LYZL6: variants seen among roughly 807,000 people sequenced by gnomAD.
LYZL6 encodes the protein lysozyme-like protein 6.
A neutral mutation model predicts 15.0 loss-of-function variants in LYZL6; 21 were observed. The observed-to-expected ratio is 1.40, with a 90% CI of 1.00 to 2.02. The LOEUF is 2.02. LYZL6 is among the 30% of genes most tolerant of loss of function. The pLI is 0.00. For synonymous variants in LYZL6, 72 were observed against 67.8 expected, an observed-to-expected ratio of 1.06 and a Z score of -0.31; for missense variants, 173 against 180.5, an observed-to-expected ratio of 0.96 and a Z score of 0.24.
At chr17:35,935,049 G>T (rs1033266957) in intron 4 of LYZL6, among the ~76,000 whole-genome samples, 184 bp from the exon 5 acceptor site, 1 of 151,850 alleles carries the variant, frequency 6.6e-6, no homozygotes. Flanking sequence ...CATCTCTGGT[G>T]TTTGCCTGCT....
intron 4 of LYZL6, 62 bp downstream of exon 4, chr17:35,936,693 T>C (rs554111267): frequency 7.9e-5 from 117 of 1,481,732 alleles, no homozygotes; most frequent in Admixed American, 5.0e-4. Context: ...CTACTGCCCT[T>C]TTCTCTGTCA....
chr17:35,941,836 G>A (rs2089426891), intron 1 of LYZL6, among the ~76,000 whole-genome samples: 1 of 152,174 alleles, frequency 6.6e-6, no homozygotes, highest in Non-Finnish European at 1.5e-5. Context: ...ATCTGAGGTG[G>A]TGGGAAGAAT....
chr17:35,939,066 C>T, intron 2 of LYZL6, 152 bp downstream of exon 2: 2 of 844,572 alleles, frequency 2.4e-6, no homozygotes, highest in Non-Finnish European at 1.9e-6. Context: ...CAGACAATAA[C>T]TTGAGTGAAT....
intron 1 of LYZL6, among the ~76,000 whole-genome samples, chr17:35,942,149 A>G (rs1415834584): frequency 6.6e-6 from 1 of 152,244 alleles, no homozygotes; most frequent in Non-Finnish European, 1.5e-5. Flanking sequence ...TGTATTCTTC[A>G]AAATGGCCAA....
intron 1 of LYZL6, among the ~76,000 whole-genome samples, chr17:35,940,634 A>G (rs148206176): frequency 1.3e-5 from 2 of 152,322 alleles, no homozygotes; most frequent in Admixed American, 6.5e-5. Flanking sequence ...TCATCAATCC[A>G]AAACAAAACC....
intron 2 of LYZL6, among the ~76,000 whole-genome samples, chr17:35,938,634 G>T (rs2089398687): frequency 6.7e-6 from 1 of 149,730 alleles, no homozygotes; most frequent in Non-Finnish European, 1.5e-5. Flanking sequence ...AAAAAAAAAG[G>T]TACCTAAAAA....
At chr17:35,936,911 G>C in intron 3 of LYZL6, 78 bp from the exon 4 acceptor site, 1 of 1,307,816 alleles carries the variant, frequency 7.6e-7, no homozygotes, top group Non-Finnish European at 1.1e-6. Flanking sequence ...GCCCTCCCTG[G>C]ACAGCCCTAT....
chr17:35,937,316 A>C (rs997478342), intron 3 of LYZL6, among the ~76,000 whole-genome samples: 1 of 152,194 alleles, frequency 6.6e-6, no homozygotes, highest in Non-Finnish European at 1.5e-5. Flanking sequence ...CATTAGCTAA[A>C]GAGGGTACTC....
Position 35,939,539 on chromosome 17 carries a change from T to C in LYZL6, c.-183A>G, listed in dbSNP as rs1248996130. ...TTGTTTATTATTTTATAGATTTTTA[T>C]TTATCATGGAAAATTAAACCTTTAA... On this transcript the variant is annotated 5_prime_UTR_variant, in exon 2 of 5. Coordinates refer to ENST00000615905, the MANE Select transcript of LYZL6 (RefSeq NM_020426.4). The C allele has an allele frequency of 2.1e-6, 1 of 470,034 alleles. No homozygotes were observed. The highest frequency in any genetic ancestry group is 3.6e-5 in the Admixed American group (1 of 27,994). The allele number at this position is 470,034 out of a possible 1,614,324, so 29.1% of individuals were successfully genotyped here. A position where few individuals can be genotyped will look rare whatever the true frequency, so the allele number is the denominator to read the frequency against.
intron 4 of LYZL6, among the ~76,000 whole-genome samples, chr17:35,935,842 C>T (rs933978839): frequency 6.9e-5 from 10 of 145,562 alleles, no homozygotes; most frequent in Non-Finnish European, 1.2e-4. Context: ...TAAACAGAGT[C>T]TCATTCTGCC....
intron 4 of LYZL6, among the ~76,000 whole-genome samples, chr17:35,935,252 G>A (rs901237410): frequency 6.6e-6 from 1 of 152,050 alleles, no homozygotes; most frequent in African/African-American, 2.4e-5. Context: ...AGTATGCAGG[G>A]GATTTGACTC....
chr17:35,936,879 C>T (rs1196683942), intron 3 of LYZL6, 46 bp from the exon 4 acceptor site: 2 of 1,550,866 alleles, frequency 1.3e-6, no homozygotes, highest in Non-Finnish European at 1.8e-6. Flanking sequence ...GAAGACAGCC[C>T]CAAAGATGGA....
intron 1 of LYZL6, among the ~76,000 whole-genome samples, chr17:35,942,277 C>T (rs1443799050): frequency 1.3e-5 from 2 of 152,336 alleles, no homozygotes; most frequent in Admixed American, 6.5e-5. Context: ...ACCTGGGAAA[C>T]AGCAAGACCT....
At chr17:35,942,793 T>C (rs532141369) in intron 1 of LYZL6, among the ~76,000 whole-genome samples, 28 of 152,222 alleles carry the variant, frequency 1.8e-4, no homozygotes, top group African/African-American at 6.7e-4. Context: ...CTACATTCCT[T>C]TCTCTTTAGG....
chr17:35,939,814 T>C (rs1568423081), intron 1 of LYZL6, among the ~76,000 whole-genome samples: 1 of 152,162 alleles, frequency 6.6e-6, no homozygotes, highest in Non-Finnish European at 1.5e-5. Flanking sequence ...ATTTCATCCA[T>C]AGGTCCTCTT....
chr17:35,935,089 A>T (rs991190489), intron 4 of LYZL6, among the ~76,000 whole-genome samples: 1 of 151,924 alleles, frequency 6.6e-6, no homozygotes, highest in African/African-American at 2.4e-5. Flanking sequence ...ACATTTTAAA[A>T]TCCTCATATC....
intron 1 of LYZL6, among the ~76,000 whole-genome samples, chr17:35,939,773 C>T (rs1004062136): frequency 2.0e-5 from 3 of 152,170 alleles, no homozygotes; most frequent in Non-Finnish European, 2.9e-5. Flanking sequence ...GCTGGGATTA[C>T]AGGTGTGAGC....
Position 35,934,878 on chromosome 17 carries a change from A to G in LYZL6, c.378-13T>C. ...CCTCCATTCTACCCTGCGGAGAAAA[A>G]AGACATGGTTCTTGCCTCACACTCA... On this transcript the variant is annotated splice_polypyrimidine_tract_variant and intron_variant, in intron 4 of 4. Transcript: ENST00000615905. 2 of 1,613,936 alleles carry G rather than the reference A, an allele frequency of 1.2e-6. No homozygotes were observed. Among genetic ancestry groups the G allele is most frequent in the Non-Finnish European group, 1.7e-6 (2 of 1,179,864 alleles).
chr17:35,941,866 C>T (rs2089426989), intron 1 of LYZL6, among the ~76,000 whole-genome samples: 1 of 152,134 alleles, frequency 6.6e-6, no homozygotes, highest in Non-Finnish European at 1.5e-5. Context: ...CTGGATATAT[C>T]ATGATCTTAT....
Sources: gnomAD v4.1 joint callset for allele counts (sites outside exome capture counted in the v4.1 genomes callset) on GRCh38, gnomAD v4.1.1 for gene constraint, MANE v1.5 for transcripts, NCBI Gene and HGNC (gene_info 2026-07-23, HGNC 2026-07-21) for gene names.